The following CCDC39 variants were observed in gnomAD, a reference collection of about 807,000 sequenced individuals.
The protein encoded by CCDC39 is coiled-coil domain 39 molecular ruler complex subunit.
In CCDC39, 113 loss-of-function variants were observed where a neutral mutation model predicts 121.0. The ratio of observed to expected loss-of-function variants is 0.93; its 90% CI spans 0.80 to 1.09. The LOEUF is 1.09. Ranked by LOEUF, CCDC39 falls within the 50% of genes least tolerant of loss-of-function variation. CCDC39 has a pLI of 0.00. For missense variants in CCDC39, 1,063 were observed against 1,074.7 expected (o/e 0.99, Z 0.15); for synonymous variants, 349 against 352.2 (o/e 0.99, Z 0.10).
chr3:180,655,898 A>C (rs1162491308), intron 6 of CCDC39, among the ~76,000 whole-genome samples: 1 of 152,202 alleles, frequency 6.6e-6, no homozygotes, highest in Non-Finnish European at 1.5e-5. Context: ...AATTAGAAAA[A>C]AAATTACCCT....
Position 180,654,815 on chromosome 3 carries a change from A to G in CCDC39, c.877T>C (p.Cys293Arg). 2 of 1,611,028 alleles carry G rather than the reference A, an allele frequency of 1.2e-6. No homozygotes were observed. Among genetic ancestry groups the G allele is most frequent in the Non-Finnish European group, 1.7e-6 (2 of 1,178,674 alleles). ...ISVADRKLLK[C>R]RTAYQDHETS... ...TCATGGTCCTGATATGCCGTTCTAC[A>G]TTTTAAAAGTTTACGATCAGCCACA... Residue 293 changes from cysteine to arginine, a missense_variant, in exon 7 of 20, where the codon TGT (cysteine) becomes CGT (arginine). Physicochemically the swap from Cys to Arg is radical, Grantham distance 180. Coordinates refer to ENST00000476379, the MANE Select transcript of CCDC39 (RefSeq NM_181426.2).
Position 180,614,680 on chromosome 3 carries a change from ACAGCATTTTTCCTATGCT to A in CCDC39, c.*223_*240del. On this transcript the variant is annotated 3_prime_UTR_variant, in exon 20 of 20. Coordinates refer to ENST00000476379, the MANE Select transcript of CCDC39 (RefSeq NM_181426.2). ...ACGAACATCAGAATTACAGTGAAAT[ACAGCATTTTTCCTATGCT>A]TGTATAACATGTAGCCTTGTCAAGA... 9.9e-6 allele frequency: 4 copies of A among 403,198 alleles called. No homozygotes were observed. Among genetic ancestry groups the A allele is most frequent in the Non-Finnish European group, 1.8e-5 (4 of 227,932 alleles). 25.0% of individuals were successfully genotyped at this position (403,198 alleles called of 1,614,324 possible). A position where few individuals can be genotyped will look rare whatever the true frequency, so the allele number is the denominator to read the frequency against.
At chr3:180,619,125 C>A in intron 16 of CCDC39, 134 bp downstream of exon 16, 1 of 620,460 alleles carries the variant, frequency 1.6e-6, no homozygotes, top group Non-Finnish European at 2.8e-6. Context: ...AGACTGTTAT[C>A]TCTTACTATC....
chr3:180,661,173 T>C (rs1048899749), intron 3 of CCDC39, among the ~76,000 whole-genome samples: 2 of 152,138 alleles, frequency 1.3e-5, no homozygotes, highest in Admixed American at 6.5e-5. Flanking sequence ...AAGTCTCTTA[T>C]AGAGAAATTT....
At chr3:180,615,942 T>TA (rs1394984462) in intron 19 of CCDC39, among the ~76,000 whole-genome samples, 1 of 152,220 alleles carries the variant, frequency 6.6e-6, no homozygotes, top group Middle Eastern at 3.2e-3. Context: ...TACATGTTTT[T>TA]AAAAAAATTC....
chr3:180,654,857 A>T lies in CCDC39; in HGVS notation c.835T>A (p.Phe279Ile). The change falls in exon 7 of 20, where the codon TTT becomes ATT. Residue 279 changes from phenylalanine to isoleucine, a missense_variant. Phe to Ile is a conservative substitution (Grantham distance 21, BLOSUM62 0). Transcript: ENST00000476379. ...TCAGCCACAGAAATTCTTTTCTCAA[A>T]CTCTGTGTTATTCCCAATCTCACTT... Reference protein sequence around the residue: ...LESEIGNNTEFEKRISVADRK... With the variant: ...LESEIGNNTEIEKRISVADRK... 6.2e-7 allele frequency: 1 copy of T among 1,607,548 alleles called. No individual in the cohort carries two copies. Among genetic ancestry groups the T allele is most frequent in the Non-Finnish European group, 8.5e-7 (1 of 1,177,456 alleles).
intron 14 of CCDC39, among the ~76,000 whole-genome samples, chr3:180,624,239 TC>T (rs375972622): frequency 4.3e-4 from 65 of 152,326 alleles, no homozygotes; most frequent in African/African-American, 1.5e-3. Context: ...GTAAAGCTAC[TC>T]CTACTTGCTT....
chr3:180,625,348 CTT>C (rs1177536800), intron 14 of CCDC39, among the ~76,000 whole-genome samples: 5 of 122,324 alleles, frequency 4.1e-5, no homozygotes, highest in African/African-American at 6.0e-5. Flanking sequence ...GTCTATTTTT[CTT>C]TTTTTTTTTT....
chr3:180,621,122 T>C (rs1385258116), intron 14 of CCDC39, among the ~76,000 whole-genome samples: 1 of 152,138 alleles, frequency 6.6e-6, no homozygotes, highest in Non-Finnish European at 1.5e-5. Flanking sequence ...CTGGATAGTA[T>C]TTCATTGTGC....
intron 7 of CCDC39, 123 bp downstream of exon 7, chr3:180,654,639 A>G: frequency 1.7e-6 from 1 of 592,376 alleles, no homozygotes; most frequent in Non-Finnish European, 2.6e-6. Context: ...AAAAAAAAAG[A>G]AAAAGGAAAA....
At chr3:180,651,172 G>A (rs1408328673) in intron 9 of CCDC39, among the ~76,000 whole-genome samples, 1 of 151,840 alleles carries the variant, frequency 6.6e-6, no homozygotes, top group Non-Finnish European at 1.5e-5. Flanking sequence ...TTTAGCCTGG[G>A]CAACAAGAGC....
rs147183244 is a variant in CCDC39, at chr3:180,616,544, C to T, written c.2558G>A (p.Arg853His). ...VDIIEENTEI[R>H]IILQTYFQQS... ...TTGAAAGTATGTTTGAAGGATAATA[C>T]GGATCTCAGTATTTTCTTCTATGAT... The change falls in exon 18 of 20, where the codon CGT becomes CAT. Residue 853 changes from arginine to histidine, a missense_variant. Physicochemically the swap from Arg to His is conservative, Grantham distance 29 (BLOSUM62 0). Coordinates refer to ENST00000476379, the MANE Select transcript of CCDC39 (RefSeq NM_181426.2). 186 of 1,584,186 alleles carry T rather than the reference C, an allele frequency of 1.2e-4. No homozygotes were observed. The highest frequency in any genetic ancestry group is 3.8e-4 in the East Asian group (17 of 44,530).
At chr3:180,654,121 T>C (rs912698839) in intron 7 of CCDC39, among the ~76,000 whole-genome samples, 1 of 145,170 alleles carries the variant, frequency 6.9e-6, no homozygotes, top group Non-Finnish European at 1.5e-5. Context: ...AACCCATGCA[T>C]ATATGATCAA....
chr3:180,622,867 G>C (rs1717462311), intron 14 of CCDC39, among the ~76,000 whole-genome samples: 1 of 151,790 alleles, frequency 6.6e-6, no homozygotes, highest in Admixed American at 6.6e-5. Flanking sequence ...CAGGAATATT[G>C]ATTTATCGTT....
At position 180,631,600 on chromosome 3, in the gene CCDC39, G is replaced by A; in HGVS notation, c.1875-8C>T. On this transcript the variant is annotated splice_polypyrimidine_tract_variant and splice_region_variant and intron_variant, in intron 13 of 19. Coordinates refer to ENST00000476379, the MANE Select transcript of CCDC39 (RefSeq NM_181426.2). ...CGCTCGCGAAACTCAGTGCTAATAAGAAAAAGAAACACTGAGAAATGAATA... is the reference window on the plus strand; with the variant it reads ...CGCTCGCGAAACTCAGTGCTAATAAAAAAAAGAAACACTGAGAAATGAATA... 2 of 1,596,992 alleles carry A rather than the reference G, an allele frequency of 1.3e-6. No homozygotes were observed. The highest frequency in any genetic ancestry group is 1.7e-6 in the Non-Finnish European group (2 of 1,175,432).
At chr3:180,674,021 A>T (rs1712122248) in intron 1 of CCDC39, among the ~76,000 whole-genome samples, 1 of 152,088 alleles carries the variant, frequency 6.6e-6, no homozygotes, top group South Asian at 2.1e-4. Flanking sequence ...GAAGAAAGTC[A>T]TTGGTAGCTT....
intron 2 of CCDC39, among the ~76,000 whole-genome samples, chr3:180,662,719 T>A (rs1301671458): frequency 6.6e-6 from 1 of 152,230 alleles, no homozygotes; most frequent in Non-Finnish European, 1.5e-5. Context: ...CCAAATAGTT[T>A]ATCAATTACT....
intron 14 of CCDC39, among the ~76,000 whole-genome samples, chr3:180,626,421 A>C (rs1438623241): frequency 6.6e-6 from 1 of 152,148 alleles, no homozygotes; most frequent in Non-Finnish European, 1.5e-5. Flanking sequence ...ATACTCAGAT[A>C]TGGGCTGTGG....
intron 14 of CCDC39, among the ~76,000 whole-genome samples, chr3:180,625,699 G>A (rs1419123279): frequency 6.6e-6 from 1 of 151,998 alleles, no homozygotes; most frequent in Non-Finnish European, 1.5e-5. Flanking sequence ...TTTGATGTGG[G>A]GTGCCTGTGG....
Sources: allele counts gnomAD v4.1 joint callset (sites outside exome capture counted in the v4.1 genomes callset), GRCh38; gene constraint gnomAD v4.1.1; transcripts MANE v1.5; gene names NCBI Gene and HGNC (gene_info 2026-07-23, HGNC 2026-07-21).